The following GPR158 variants were observed in gnomAD, a reference collection of about 807,000 sequenced individuals.
GPR158 encodes the protein G protein-coupled receptor 158, also known as metabotropic glycine receptor.
GPR158 carries 30 observed loss-of-function variants against 78.2 expected under a neutral mutation model. The observed-to-expected ratio is 0.38, with a 90% CI of 0.29 to 0.52. The LOEUF is 0.52. Ranked by LOEUF, GPR158 falls within the 20% of genes least tolerant of loss-of-function variation. The probability of loss-of-function intolerance (pLI) is 0.83; values close to 1 mark genes in which losing one functional copy is unlikely to be tolerated. For missense variants in GPR158, 1,463 were observed against 1,523.5 expected, an observed-to-expected ratio of 0.96 and a Z score of 0.66; for synonymous variants, 581 against 591.1, an observed-to-expected ratio of 0.98 and a Z score of 0.25.
At chr10:25,424,502 T>A (rs1834792856) in intron 4 of GPR158, among the ~76,000 whole-genome samples, 2 of 151,314 alleles carry the variant, frequency 1.3e-5, no homozygotes, top group African/African-American at 2.4e-5. Flanking sequence ...TCTTCTAGGG[T>A]TTTTATGGTT....
intron 2 of GPR158, among the ~76,000 whole-genome samples, chr10:25,238,885 C>G (rs913061355): frequency 6.6e-6 from 1 of 152,214 alleles, no homozygotes; most frequent in African/African-American, 2.4e-5. Flanking sequence ...ACACTTTATA[C>G]AGGTATAGCC....
At chr10:25,595,344 T>C (rs1193791412) in intron 9 of GPR158, among the ~76,000 whole-genome samples, 1 of 152,228 alleles carries the variant, frequency 6.6e-6, no homozygotes, top group Non-Finnish European at 1.5e-5. Flanking sequence ...TTAACTATTT[T>C]GATACTTTGC....
chr10:25,279,967 GAAAAAAA>G (rs112979632), intron 2 of GPR158, among the ~76,000 whole-genome samples: 2 of 119,998 alleles, frequency 1.7e-5, no homozygotes, highest in African/African-American at 5.6e-5. Flanking sequence ...CCATTAAAAT[GAAAAAAA>G]AAAAAAGAAA....
At chr10:25,308,525 C>G (rs529049190) in intron 2 of GPR158, among the ~76,000 whole-genome samples, 103 of 152,184 alleles carry the variant, frequency 6.8e-4, no homozygotes, top group African/African-American at 2.4e-3. Flanking sequence ...ATCATTTTCC[C>G]CTTTAAGTTT....
chr10:25,540,944 A>AT (rs1252184448), intron 5 of GPR158, among the ~76,000 whole-genome samples: 16 of 47,266 alleles, frequency 3.4e-4, no homozygotes, highest in African/African-American at 8.3e-4. Context: ...AGTATAATAA[A>AT]AATATATATA....
At chr10:25,410,152 G>A (rs954848830) in intron 3 of GPR158, among the ~76,000 whole-genome samples, 16 of 151,996 alleles carry the variant, frequency 1.1e-4, no homozygotes, top group African/African-American at 2.7e-4. Context: ...TATCCACTCC[G>A]AGAGATCTCT....
At position 25,598,710 on chromosome 10, in the gene GPR158, C is replaced by T. The variant is rs201749150; in HGVS notation, c.3084C>T (p.His1028=). 9.5e-5 allele frequency: 154 copies of T among 1,613,794 alleles called. 1 individual carries two copies. The highest frequency in any genetic ancestry group is 1.7e-4 in the African/African-American group (13 of 74,846). ...PVPSESKVQK[H]VSIVASEMEK... Reference sequence around the variant, plus strand: ...CTTCAGAATCAAAAGTTCAAAAGCACGTATCTATTGTGGCTTCTGAAATGG... The same window carrying T: ...CTTCAGAATCAAAAGTTCAAAAGCATGTATCTATTGTGGCTTCTGAAATGG... The change falls in exon 11 of 11, where the codon CAC becomes CAT. Residue 1028 remains histidine, a synonymous_variant. Coordinates refer to ENST00000376351, the MANE Select transcript of GPR158 (RefSeq NM_020752.3).
chr10:25,369,924 A>G (rs1339051732), intron 2 of GPR158, among the ~76,000 whole-genome samples: 2 of 150,816 alleles, frequency 1.3e-5, no homozygotes, highest in East Asian at 2.0e-4. Context: ...GAATTTATCC[A>G]TTTCTTCTAG....
In GPR158 at chr10:25,598,616, T is replaced by C. The variant is rs1309529514; in HGVS notation, c.2990T>C (p.Met997Thr). 1 of 1,614,056 alleles carries C rather than the reference T, an allele frequency of 6.2e-7. No individual in the cohort carries two copies. The highest frequency in any genetic ancestry group is 1.7e-5 in the Admixed American group (1 of 60,002). The change falls in exon 11 of 11, where the codon ATG (methionine) becomes ACG (threonine). Residue 997 changes from methionine (M) to threonine (T), a missense_variant. Coordinates refer to ENST00000376351, the MANE Select transcript of GPR158 (RefSeq NM_020752.3). The part of the protein sequence containing the change: ...NSDLNPGTTQ[M>T]KDNFDIGEVC... ...GACCTGAACCCAGGCACCACCCAGA[T>C]GAAGGACAACTTTGACATTGGGGAG...
intron 2 of GPR158, among the ~76,000 whole-genome samples, chr10:25,281,703 C>T (rs1189459478): frequency 6.6e-6 from 1 of 151,840 alleles, no homozygotes; most frequent in African/African-American, 2.4e-5. Context: ...AAGTATGTAA[C>T]TAACATAAGA....
At chr10:25,383,898 C>G (rs1324119700) in intron 2 of GPR158, among the ~76,000 whole-genome samples, 1 of 152,192 alleles carries the variant, frequency 6.6e-6, no homozygotes, top group South Asian at 2.1e-4. Flanking sequence ...GGGGTTGAAT[C>G]CTGGCTCAGC....
chr10:25,383,128 C>T (rs892394916), intron 2 of GPR158, among the ~76,000 whole-genome samples: 3 of 152,214 alleles, frequency 2.0e-5, no homozygotes, highest in Non-Finnish European at 4.4e-5. Context: ...AGCCGCCGCT[C>T]CCGGCCCAGA....
chr10:25,505,774 A>G (rs972062579), intron 5 of GPR158, among the ~76,000 whole-genome samples: 2 of 151,972 alleles, frequency 1.3e-5, no homozygotes, highest in African/African-American at 4.8e-5. Flanking sequence ...ATGCTCTTGT[A>G]TGTGCCTCAT....
intron 2 of GPR158, among the ~76,000 whole-genome samples, chr10:25,303,869 C>T (rs7922535): frequency 2.0e-5 from 3 of 152,028 alleles, no homozygotes; most frequent in Admixed American, 6.5e-5. Flanking sequence ...CTGGCCTACA[C>T]GCAGCATGTG....
At position 25,176,454 on chromosome 10, in the gene GPR158, G is replaced by A; in HGVS notation, c.902+132G>A. 1 of 756,746 alleles carries A rather than the reference G, an allele frequency of 1.3e-6. No individual in the cohort carries two copies. The highest frequency in any genetic ancestry group is 2.0e-6 in the Non-Finnish European group (1 of 490,944). 46.9% of individuals were successfully genotyped at this position (756,746 alleles called of 1,614,324 possible). On this transcript the variant is annotated intron_variant, in intron 1 of 10. Transcript: ENST00000376351. The surrounding 1 kb of genome is among the most constrained non-coding windows in gnomAD (Gnocchi z 6.3). ...CTTCTCACCCTCAGAGTAGAGACCC[G>A]GGCTGAGGGACACCCCACGCGGGCG...
chr10:25,175,564 GC>G lies in GPR158; in HGVS notation c.146del (p.Pro49ArgfsTer46). 1 of 1,610,846 alleles carries G rather than the reference GC, an allele frequency of 6.2e-7. No homozygotes were observed. On this transcript the variant is annotated frameshift_variant, in exon 1 of 11. Transcript: ENST00000376351. LOFTEE classifies it high-confidence loss of function. This position sits in a 1 kb window ranked among gnomAD's most constrained non-coding sequence, Gnocchi z 6.4. The stretch of plus-strand genomic sequence containing the variant: ...CGAAGGGGAAGCCGCACGCCCAGCA[GC>G]CGGGTCGAGCCTCTGCCTCGGACTC... ...TPKGKPHAQQ[P>X]GRASASDSSA...
rs1011803270 is a variant in GPR158, at chr10:25,277,158, C to T, written c.1008+56001C>T. On this transcript the variant is annotated intron_variant, in intron 2 of 10. Transcript: ENST00000376351. ...AGAAATTAGAGCCTTACCATGTTGC[C>T]CAGGCTGGTCTTAAACTCCTTTCTT... 2.6e-5 allele frequency among the ~76,000 whole-genome samples: 4 copies of T among 151,974 alleles called. No individual in the cohort carries two copies. The East Asian group carries it at 7.7e-4, about 29-fold the overall frequency.
intron 2 of GPR158, among the ~76,000 whole-genome samples, chr10:25,388,447 C>G (rs1312100968): frequency 6.6e-6 from 1 of 152,236 alleles, no homozygotes; most frequent in Non-Finnish European, 1.5e-5. Flanking sequence ...CTGCCATGTC[C>G]CACGGGCCCA....
At chr10:25,226,274 T>C (rs552181574) in intron 2 of GPR158, among the ~76,000 whole-genome samples, 1 of 152,192 alleles carries the variant, frequency 6.6e-6, no homozygotes, top group Non-Finnish European at 1.5e-5. Context: ...TAATAGCCCA[T>C]GTAACTAGTG....
Sources: gnomAD v4.1 joint callset for allele counts (sites outside exome capture counted in the v4.1 genomes callset) on GRCh38, gnomAD v4.1.1 for gene constraint, Gnocchi (gnomAD v3.1) non-coding constraint, MANE v1.5 for transcripts, NCBI Gene and HGNC (gene_info 2026-07-23, HGNC 2026-07-21) for gene names.